Variants in CDHR4 observed in about 807,000 individuals in gnomAD.
CDHR4 encodes cadherin-related family member 4.
In CDHR4, 89 loss-of-function variants were observed where a neutral mutation model predicts 88.4. That is an observed-to-expected ratio of 1.01 (90% CI 0.85 to 1.20). The LOEUF is 1.20. CDHR4 is among the 50% of genes most tolerant of loss of function. The pLI, the probability that CDHR4 is intolerant of heterozygous loss-of-function variation, is 0.00. For synonymous variants in CDHR4, 368 were observed against 399.2 expected (o/e 0.92, Z 0.93); for missense variants, 914 against 1,007.2 (o/e 0.91, Z 1.25).
chr3:49,791,627 G>A, intron 17 of CDHR4, 87 bp downstream of exon 17: 2 of 1,491,028 alleles, frequency 1.3e-6, no homozygotes, highest in Non-Finnish European at 9.1e-7. Context: ...ATCGGAAAAG[G>A]GGCATGGGAA....
rs1241232791 is a variant in CDHR4 at position 49,795,928 on chromosome 3, G to A, written c.710+15C>T. On this transcript the variant is annotated intron_variant, in intron 6 of 18. Coordinates refer to ENST00000412678, the MANE Select transcript of CDHR4 (RefSeq NM_001007540.4). This position sits in a 1 kb window ranked among gnomAD's most constrained non-coding sequence, Gnocchi z 5.4. The stretch of plus-strand genomic sequence containing the variant: ...GCCCTTCCTCCCTCACTGTTCCAGG[G>A]TAGGGGAGCCTTACAGGAAGGAGAC... 5.2e-6 allele frequency: 8 copies of A among 1,528,284 alleles called. No homozygotes were observed. Among genetic ancestry groups the A allele is most frequent in the Non-Finnish European group, 7.0e-6 (8 of 1,135,350 alleles). 94.7% of individuals were successfully genotyped at this position (1,528,284 alleles called of 1,614,324 possible).
In CDHR4 at chr3:49,793,168, G is replaced by A. The variant is rs1407471585; in HGVS notation, c.1767C>T (p.Ile589=). ...GGTGCCCATGTCCCCTACCTCCCAC[G>A]ATGCTATAGGAGTAGATCAGGCGCT... ...EPQRLIYSYS[I]VGGNSQNRFI... is the part of the protein sequence containing the mutation. The change falls in exon 13 of 19, where the codon ATC becomes ATT. Residue 589 remains isoleucine (I), a synonymous_variant. Coordinates refer to ENST00000412678, the MANE Select transcript of CDHR4 (RefSeq NM_001007540.4). The A allele has an allele frequency of 9.0e-6, 14 of 1,551,430 alleles. No homozygotes were observed. The highest frequency in any genetic ancestry group is 1.0e-5 in the Non-Finnish European group (12 of 1,146,928).
chr3:49,796,613 T>C (rs980100271), intron 5 of CDHR4, among the ~76,000 whole-genome samples: 1 of 152,206 alleles, frequency 6.6e-6, no homozygotes, highest in African/African-American at 2.4e-5. Flanking sequence ...GCTAGGATTA[T>C]GTGGGTGAGC....
Position 49,795,482 on chromosome 3 carries a change from G to T in CDHR4, c.848-103C>A. On this transcript the variant is annotated intron_variant, in intron 7 of 18. Coordinates refer to ENST00000412678, the MANE Select transcript of CDHR4 (RefSeq NM_001007540.4). This position sits in a 1 kb window ranked among gnomAD's most constrained non-coding sequence, Gnocchi z 5.4. Reference sequence around the variant, plus strand: ...TCCTGCCAGCCCACCAGATCCATAGGCAAAGGAGGCCGCTGAGCCTGGCCC... The same window carrying T: ...TCCTGCCAGCCCACCAGATCCATAGTCAAAGGAGGCCGCTGAGCCTGGCCC... The T allele has an allele frequency of 6.7e-7, 1 of 1,492,832 alleles. No homozygotes were observed. The highest frequency in any genetic ancestry group is 9.0e-7 in the Non-Finnish European group (1 of 1,113,230). 92.5% of individuals were successfully genotyped at this position (1,492,832 alleles called of 1,614,324 possible).
intron 9 of CDHR4, 86 bp from the exon 10 acceptor site, chr3:49,794,787 A>G (rs2108281434): frequency 7.0e-7 from 1 of 1,427,374 alleles, no homozygotes; most frequent in Non-Finnish European, 9.5e-7. Flanking sequence ...CAGGGCATCC[A>G]CAAATATCTT....
chr3:49,794,892 A>G, intron 9 of CDHR4, 55 bp downstream of exon 9: 1 of 1,537,486 alleles, frequency 6.5e-7, no homozygotes, highest in Non-Finnish European at 8.8e-7. Context: ...TGGCCCACCC[A>G]CCCCTTCCCA....
intron 18 of CDHR4, 29 bp from the exon 19 acceptor site, chr3:49,790,916 A>C: frequency 6.5e-7 from 1 of 1,536,612 alleles, no homozygotes; most frequent in Non-Finnish European, 8.8e-7. Flanking sequence ...AGAGGAGAGC[A>C]GGGGGTGCTG....
intron 1 of CDHR4, 33 bp downstream of exon 1, chr3:49,799,731 A>G: frequency 6.2e-7 from 1 of 1,611,952 alleles, no homozygotes; most frequent in Non-Finnish European, 8.5e-7. Flanking sequence ...CTCCAAGGGA[A>G]AACTACGGTT....
At chr3:49,793,752 C>T (rs1435732401) in intron 11 of CDHR4, 30 bp from the exon 12 acceptor site, 1 of 1,551,434 alleles carries the variant, frequency 6.4e-7, no homozygotes, top group African/African-American at 1.4e-5. Flanking sequence ...CTTCAGCCTG[C>T]AGGGCCAACT....
rs972508669 is a variant in CDHR4, at chr3:49,797,217, G to A, written c.496-185C>T. 7.5e-5 allele frequency among the ~76,000 whole-genome samples: 10 copies of A among 133,280 alleles called. No individual in the cohort carries two copies. In the South Asian group the frequency reaches 9.7e-4, roughly 13 times the overall value. The allele number at this position is 133,280 out of a possible 152,430, so 87.4% of individuals were successfully genotyped here. A position where few individuals can be genotyped will look rare whatever the true frequency, so the allele number is the denominator to read the frequency against. On this transcript the variant is annotated intron_variant, in intron 4 of 18. Transcript: ENST00000412678. ...TCCTTCCTTTCTTTCTTTCCTTCTC[G>A]CTCTCTCCTTCCTTCCTTTCTCTCT...
At chr3:49,791,008 C>G in intron 18 of CDHR4, 121 bp from the exon 19 acceptor site, 1 of 743,284 alleles carries the variant, frequency 1.3e-6, no homozygotes, top group Non-Finnish European at 2.2e-6. Flanking sequence ...TGACATCCCA[C>G]CTTCGCTGGA....
intron 4 of CDHR4, chr3:49,798,324 T>G (rs1183707826): frequency 1.3e-5 from 2 of 154,278 alleles, no homozygotes; most frequent in African/African-American, 4.9e-5. Context: ...CGGTGGCTCA[T>G]GCCTGTAATC....
At position 49,799,528 on chromosome 3, in the gene CDHR4, G is replaced by A. The variant is rs890950882; in HGVS notation, c.50-91C>T. ...TCCTGTCCTTTTGCCACAGGGCCTG[G>A]CCATGCCATGGGGCCAAGCAGCTAA... On this transcript the variant is annotated intron_variant, in intron 1 of 18. Transcript: ENST00000412678. 7 of 1,370,386 alleles carry A rather than the reference G, an allele frequency of 5.1e-6. No homozygotes were observed. The African/African-American group carries it at 8.7e-5, about 17-fold the overall frequency. The allele number at this position is 1,370,386 out of a possible 1,614,324, so 84.9% of individuals were successfully genotyped here. A position where few individuals can be genotyped will look rare whatever the true frequency, so the allele number is the denominator to read the frequency against.
chr3:49,800,478 C>T (rs1399199945), upstream of CDHR4, among the ~76,000 whole-genome samples: 1 of 151,550 alleles, frequency 6.6e-6, no homozygotes, highest in African/African-American at 2.4e-5. Context: ...ATGATTGTGC[C>T]ACTGTACTCC....
At chr3:49,798,400 C>T (rs1382226958) in intron 4 of CDHR4, 5 of 179,290 alleles carry the variant, frequency 2.8e-5, no homozygotes, top group African/African-American at 7.1e-5. Context: ...TCCTGGCTAA[C>T]ACGGTGAAAC....
intron 1 of CDHR4, 125 bp downstream of exon 1, chr3:49,799,639 G>T: frequency 8.8e-7 from 1 of 1,131,596 alleles, no homozygotes; most frequent in Non-Finnish European, 1.3e-6. Flanking sequence ...AGGGGTGAGG[G>T]CCAGGGGTTC....
chr3:49,800,991 G>A (rs2081352771), upstream of CDHR4, among the ~76,000 whole-genome samples: 1 of 151,896 alleles, frequency 6.6e-6, no homozygotes, highest in South Asian at 2.1e-4. Flanking sequence ...GATGGAGGCT[G>A]CAGTGAGCCA....
At chr3:49,800,360 T>C (rs772481225), upstream of CDHR4, among the ~76,000 whole-genome samples, 2 of 151,704 alleles carry the variant, frequency 1.3e-5, no homozygotes, top group African/African-American at 4.8e-5. Flanking sequence ...ACCCCATCTC[T>C]ACAAAAAATT....
chr3:49,799,266 TGCCACCTG>T lies in CDHR4; in HGVS notation c.213_220del (p.Trp73AspfsTer48). On this transcript the variant is annotated frameshift_variant, in exon 2 of 19. Transcript: ENST00000412678. LOFTEE classifies it high-confidence loss of function. Reference sequence around the variant, plus strand: ...CCCTACCTTGCCCACATAGGTCCCTTGCCACCTGGCCAAGCTGGGTGGGTTGAAGAAGG... The same window carrying T: ...CCCTACCTTGCCCACATAGGTCCCTTGCCAAGCTGGGTGGGTTGAAGAAGG... 6.2e-7 allele frequency: 1 copy of T among 1,613,738 alleles called. No individual in the cohort carries two copies. Among genetic ancestry groups the T allele is most frequent in the Non-Finnish European group, 8.5e-7 (1 of 1,179,732 alleles).
Sources: allele counts gnomAD v4.1 joint callset (sites outside exome capture counted in the v4.1 genomes callset), GRCh38; gene constraint gnomAD v4.1.1; non-coding constraint Gnocchi (gnomAD v3.1); transcripts MANE v1.5; gene names NCBI Gene and HGNC (gene_info 2026-07-23, HGNC 2026-07-21).